The following DACH2 variants were observed in gnomAD, a reference collection of about 807,000 sequenced individuals.
The protein encoded by DACH2 is dachshund homolog 2.
Under a neutral mutation model 35.8 loss-of-function variants are expected in DACH2, and 17 were observed. The observed-to-expected ratio is 0.48, with a 90% confidence interval of 0.33 to 0.71. The LOEUF is 0.71. Ranked by LOEUF, DACH2 falls within the 30% of genes least tolerant of loss-of-function variation. The probability of loss-of-function intolerance (pLI) is 0.02; values close to 1 mark genes in which losing one functional copy is unlikely to be tolerated. For missense variants in DACH2, 469 were observed against 472.7 expected (o/e 0.99, Z 0.07); for synonymous variants, 195 against 177.3 (o/e 1.10, Z -0.79).
chrX:86,784,696 C>T (rs1161430178), intron 7 of DACH2, among the ~76,000 whole-genome samples: 1 of 111,755 alleles, frequency 8.9e-6, no homozygotes, highest in Non-Finnish European at 1.9e-5. Context: ...CCTTGCAGGA[C>T]TTTCACAATA....
chrX:86,748,864 T>C (rs2041741863), intron 7 of DACH2, among the ~76,000 whole-genome samples: 1 of 111,650 alleles, frequency 9.0e-6, no homozygotes, highest in African/African-American at 3.3e-5. Flanking sequence ...CACTGAAACC[T>C]ATTATTTAGT....
intron 6 of DACH2, among the ~76,000 whole-genome samples, chrX:86,715,012 A>C (rs908424050): frequency 2.7e-5 from 3 of 111,675 alleles, no homozygotes; most frequent in African/African-American, 9.8e-5. Context: ...GAGTGTGCAA[A>C]AACCATTCCC....
chrX:86,390,533 G>C (rs978692635), intron 2 of DACH2, among the ~76,000 whole-genome samples: 2 of 111,379 alleles, frequency 1.8e-5, no homozygotes, highest in Non-Finnish European at 3.8e-5. Context: ...AGGCTGAGGA[G>C]TAAAATGTTG....
intron 2 of DACH2, among the ~76,000 whole-genome samples, chrX:86,473,984 A>G (rs764107774): frequency 3.9e-4 from 44 of 111,897 alleles, no homozygotes; most frequent in Non-Finnish European, 7.5e-4. Context: ...TCTCACCAGC[A>G]GTGAATGAGG....
chrX:86,522,906 T>A (rs2038578150), intron 3 of DACH2, among the ~76,000 whole-genome samples: 2 of 111,586 alleles, frequency 1.8e-5, no homozygotes, highest in African/African-American at 6.5e-5. Flanking sequence ...ATGGGATGGA[T>A]TTGTTGTTTG....
At chrX:86,667,603 A>G (rs1210373094) in intron 4 of DACH2, among the ~76,000 whole-genome samples, 6 of 99,727 alleles carry the variant, frequency 6.0e-5, no homozygotes, top group African/African-American at 2.7e-4. Context: ...AAAGAAAGAA[A>G]GAAAGAAAGA....
chrX:86,289,143 T>A (rs1459876709), intron 1 of DACH2, among the ~76,000 whole-genome samples: 1 of 109,210 alleles, frequency 9.2e-6, no homozygotes, highest in Non-Finnish European at 1.9e-5. Context: ...GGCAGAAGTT[T>A]CCCTTATGGC....
At chrX:86,733,630 T>C (rs2147252790) in intron 6 of DACH2, among the ~76,000 whole-genome samples, 1 of 111,822 alleles carries the variant, frequency 8.9e-6, no homozygotes, top group East Asian at 2.8e-4. Flanking sequence ...TACATTTTTC[T>C]CTATTTGTGG....
chrX:86,748,394 G>A (rs767101292), intron 7 of DACH2, among the ~76,000 whole-genome samples: 1 of 112,057 alleles, frequency 8.9e-6, no homozygotes, highest in Non-Finnish European at 1.9e-5. Context: ...AAACTCGAAA[G>A]TCAAACAATT....
chrX:86,261,566 T>A (rs985601681), intron 1 of DACH2, among the ~76,000 whole-genome samples: 4 of 111,679 alleles, frequency 3.6e-5, no homozygotes, highest in African/African-American at 1.3e-4. Context: ...CCATTTAAAA[T>A]TCACAGCAAA....
At chrX:86,311,487 C>T (rs761762605) in intron 1 of DACH2, among the ~76,000 whole-genome samples, 1 of 111,375 alleles carries the variant, frequency 9.0e-6, no homozygotes, top group African/African-American at 3.3e-5. Context: ...CTCCAGAAGG[C>T]CATGTATGCT....
At chrX:86,750,486 C>T (rs1273528963) in intron 7 of DACH2, among the ~76,000 whole-genome samples, 1 of 111,734 alleles carries the variant, frequency 8.9e-6, no homozygotes, top group Non-Finnish European at 1.9e-5. Context: ...TTTTTAAGTG[C>T]TCAATAGACT....
intron 3 of DACH2, among the ~76,000 whole-genome samples, chrX:86,613,146 T>C (rs141982196): frequency 0.041 from 4,545 of 111,833 alleles, 225 homozygotes; most frequent in African/African-American, 0.14. Flanking sequence ...ATCCTTAATA[T>C]AGATATTTTG....
At chrX:86,541,690 A>G (rs1026146208) in intron 3 of DACH2, among the ~76,000 whole-genome samples, 1 of 111,704 alleles carries the variant, frequency 9.0e-6, no homozygotes, top group African/African-American at 3.2e-5. Context: ...AAAGTAGATA[A>G]CATTTACTAA....
chrX:86,810,524 A>G lies in DACH2; in HGVS notation c.1241-2332A>G, dbSNP rs749921969. On this transcript the variant is annotated intron_variant, in intron 7 of 11. Coordinates refer to ENST00000373125, the MANE Select transcript of DACH2 (RefSeq NM_053281.3). ...TTTAAGATTTATAAACATCAGTATA[A>G]AAGTACAGAACCTTTCCAGCTATTA... Among the ~76,000 whole-genome samples, 4 of 112,003 alleles carry G rather than the reference A, an allele frequency of 3.6e-5. No individual in the cohort carries two copies. In the East Asian group the frequency reaches 1.1e-3, roughly 31 times the overall value.
At chrX:86,366,958 A>G (rs1435937611) in intron 1 of DACH2, among the ~76,000 whole-genome samples, 2 of 110,371 alleles carry the variant, frequency 1.8e-5, no homozygotes, top group African/African-American at 6.6e-5. Flanking sequence ...TTTATAAATT[A>G]CCCAGTCTCG....
At position 86,791,871 on chromosome X, in the gene DACH2, G is replaced by T. The variant is rs1319696766; in HGVS notation, c.1241-20985G>T. ...TATTAAGTTCAGGGGTACAAGTAAAGGTTTGTTACATAGATAAACTTGTGT... is the reference window on the plus strand; with the variant it reads ...TATTAAGTTCAGGGGTACAAGTAAATGTTTGTTACATAGATAAACTTGTGT... On this transcript the variant is annotated intron_variant, in intron 7 of 11. Coordinates refer to ENST00000373125, the MANE Select transcript of DACH2 (RefSeq NM_053281.3). Among the ~76,000 whole-genome samples, 4 of 111,568 alleles carry T rather than the reference G, an allele frequency of 3.6e-5. 1 individual carries two copies. Among genetic ancestry groups the T allele is most frequent in the Non-Finnish European group, 5.7e-5 (3 of 52,970 alleles).
At chrX:86,238,802 C>A (rs2033108023) in intron 1 of DACH2, among the ~76,000 whole-genome samples, 1 of 111,131 alleles carries the variant, frequency 9.0e-6, no homozygotes, top group South Asian at 3.8e-4. Flanking sequence ...TGTATGCTTT[C>A]TTTTTGTGTT....
intron 3 of DACH2, among the ~76,000 whole-genome samples, chrX:86,610,363 C>CTCTTTCTTTCTCTTTCTTTCTTTCTT (rs2039917034): frequency 1.4e-5 from 1 of 70,084 alleles, no homozygotes; most frequent in African/African-American, 5.5e-5. Flanking sequence ...TCCTTCCTTC[C>CTCTTTCTTTCTCTTTCTTTCTTTCTT]TCTTTCTTTC....
Sources: allele counts gnomAD v4.1 joint callset (sites outside exome capture counted in the v4.1 genomes callset), GRCh38; gene constraint gnomAD v4.1.1; transcripts MANE v1.5; gene names NCBI Gene and HGNC (gene_info 2026-07-23, HGNC 2026-07-21).